Variants in VIPR2 observed in about 807,000 individuals in gnomAD.
VIPR2 encodes the protein vasoactive intestinal polypeptide receptor 2.
Under a neutral mutation model 58.0 loss-of-function variants are expected in VIPR2, and 48 were observed. That is an observed-to-expected ratio of 0.83 (90% CI 0.66 to 1.05). The LOEUF is 1.05. Among genes scored for constraint, VIPR2 ranks in the 50% least tolerant of loss-of-function variants. The probability of loss-of-function intolerance (pLI) is 0.00; values close to 1 mark genes in which losing one functional copy is unlikely to be tolerated. For missense variants in VIPR2, 534 were observed against 558.0 expected, an observed-to-expected ratio of 0.96 and a Z score of 0.43; for synonymous variants, 243 against 235.2, an observed-to-expected ratio of 1.03 and a Z score of -0.30.
chr7:159,054,258 T>A (rs1020615463), intron 5 of VIPR2, among the ~76,000 whole-genome samples: 1 of 151,982 alleles, frequency 6.6e-6, no homozygotes, highest in Non-Finnish European at 1.5e-5. Flanking sequence ...AATAATAACA[T>A]CTCTAGATGA....
rs1024382559 is a variant in VIPR2 at position 159,093,147 on chromosome 7, A to C, written c.357+10610T>G. 5.9e-5 allele frequency among the ~76,000 whole-genome samples: 9 copies of C among 152,312 alleles called. No homozygotes were observed. Among genetic ancestry groups the C allele is most frequent in the African/African-American group, 1.9e-4 (8 of 41,564 alleles). ...TGGTCCTGCGGGGGCTGGTGGGGGC[A>C]GAAGACATTTCCTCAAGACACTGGC... On this transcript the variant is annotated intron_variant, in intron 4 of 12. Transcript: ENST00000262178. The surrounding 1 kb of genome is among the most constrained non-coding windows in gnomAD (Gnocchi z 6.7).
chr7:159,084,562 G>A (rs901747630), intron 4 of VIPR2, among the ~76,000 whole-genome samples: 2 of 152,230 alleles, frequency 1.3e-5, no homozygotes, highest in Non-Finnish European at 2.9e-5. Flanking sequence ...GGGATTCAGG[G>A]CACTATGCCT....
intron 2 of VIPR2, among the ~76,000 whole-genome samples, chr7:159,142,245 T>C (rs1797499527): frequency 6.6e-6 from 1 of 152,206 alleles, no homozygotes; most frequent in African/African-American, 2.4e-5. Flanking sequence ...GGTTATCTTT[T>C]TAAAGGTGTG....
intron 2 of VIPR2, among the ~76,000 whole-genome samples, chr7:159,120,131 G>A (rs1038365095): frequency 2.0e-5 from 3 of 152,182 alleles, no homozygotes; most frequent in African/African-American, 4.8e-5. Context: ...GGGTCCTCGC[G>A]GCCCACACAG....
intron 2 of VIPR2, among the ~76,000 whole-genome samples, chr7:159,131,299 CA>C: frequency 6.6e-6 from 1 of 150,862 alleles, no homozygotes; most frequent in East Asian, 1.9e-4. Context: ...CTCTTTATGC[CA>C]AAGGAAAAGT....
rs983370585 is a variant in VIPR2, at chr7:159,128,889, C to T, written c.151+13557G>A. Among the ~76,000 whole-genome samples, 11 of 152,328 alleles carry T rather than the reference C, an allele frequency of 7.2e-5. No individual in the cohort carries two copies. Among genetic ancestry groups the T allele is most frequent in the African/African-American group, 2.2e-4 (9 of 41,580 alleles). ...CCTGCGGCTGAGCTCAGTCCTGACA[C>T]AGGCTTCTTCCATCTGCTGCACACC... On this transcript the variant is annotated intron_variant, in intron 2 of 12. Coordinates refer to ENST00000262178, the MANE Select transcript of VIPR2 (RefSeq NM_003382.5). This position sits in a 1 kb window ranked among gnomAD's most constrained non-coding sequence, Gnocchi z 4.1.
intron 5 of VIPR2, among the ~76,000 whole-genome samples, chr7:159,057,279 ATATAAG>A (rs147909306): frequency 0.012 from 1,862 of 152,326 alleles, 38 homozygotes; most frequent in African/African-American, 0.042. Flanking sequence ...ACTCTATAAA[ATATAAG>A]TATAATAGAA....
At chr7:159,092,650 CTTTTTTTTT>C (rs60400731) in intron 4 of VIPR2, among the ~76,000 whole-genome samples, 13 of 133,686 alleles carry the variant, frequency 9.7e-5, no homozygotes, top group Middle Eastern at 4.0e-3. Context: ...CTTTTCTTTT[CTTTTTTTTT>C]TTTTTTTTTG....
chr7:159,130,260 C>G (rs1796844599), intron 2 of VIPR2, among the ~76,000 whole-genome samples: 1 of 152,160 alleles, frequency 6.6e-6, no homozygotes, highest in Non-Finnish European at 1.5e-5. Flanking sequence ...AGCCCTTCCC[C>G]CAAACTCAGC....
intron 4 of VIPR2, among the ~76,000 whole-genome samples, chr7:159,076,408 A>G (rs1181831367): frequency 6.6e-6 from 1 of 152,250 alleles, no homozygotes; most frequent in Non-Finnish European, 1.5e-5. Context: ...CTGATTCTCC[A>G]AAAGTATCCT....
At position 159,036,028 on chromosome 7, in the gene VIPR2, T is replaced by C; in HGVS notation, c.749-16A>G. 6.2e-7 allele frequency: 1 copy of C among 1,612,076 alleles called. No individual in the cohort carries two copies. Among genetic ancestry groups the C allele is most frequent in the Non-Finnish European group, 8.5e-7 (1 of 1,179,350 alleles). On this transcript the variant is annotated splice_polypyrimidine_tract_variant and intron_variant, in intron 7 of 12. Transcript: ENST00000262178. ...GTGGGGAGGCCTGCAGAGAGACGCC[T>C]GGTTACACAGGTGGAGCGGAGCGGT...
At chr7:159,132,279 A>G (rs1796946399) in intron 2 of VIPR2, among the ~76,000 whole-genome samples, 1 of 142,276 alleles carries the variant, frequency 7.0e-6, no homozygotes, top group Non-Finnish European at 1.5e-5. Flanking sequence ...GTCTTGCTGC[A>G]TTTGGTGGCC....
chr7:159,076,142 G>A (rs372962475), intron 4 of VIPR2, among the ~76,000 whole-genome samples: 24 of 152,246 alleles, frequency 1.6e-4, no homozygotes, highest in East Asian at 5.8e-4. Context: ...AAAATCCTCC[G>A]TGGGCCAGGA....
intron 3 of VIPR2, among the ~76,000 whole-genome samples, chr7:159,104,177 G>A (rs1383372359): frequency 6.6e-6 from 1 of 152,200 alleles, no homozygotes; most frequent in Non-Finnish European, 1.5e-5. Context: ...GCCACCATAA[G>A]TGATATTTAT....
Position 159,098,737 on chromosome 7 carries a change from G to A in VIPR2, c.357+5020C>T, listed in dbSNP as rs894281323. On this transcript the variant is annotated intron_variant, in intron 4 of 12. Transcript: ENST00000262178. The surrounding 1 kb of genome is among the most constrained non-coding windows in gnomAD (Gnocchi z 5.2). Reference sequence around the variant, plus strand: ...TGTAGCCAAGTCTGTGGCTTCTGTGGAGGCTAATTTTTTTTCTCGAATTTA... The same window carrying A: ...TGTAGCCAAGTCTGTGGCTTCTGTGAAGGCTAATTTTTTTTCTCGAATTTA... Among the ~76,000 whole-genome samples, 3 of 152,204 alleles carry A rather than the reference G, an allele frequency of 2.0e-5. No individual in the cohort carries two copies. Among genetic ancestry groups the A allele is most frequent in the Admixed American group, 6.5e-5 (1 of 15,286 alleles).
At position 159,128,449 on chromosome 7, in the gene VIPR2, C is replaced by T. The variant is rs1037741457; in HGVS notation, c.151+13997G>A. 6.6e-6 allele frequency among the ~76,000 whole-genome samples: 1 copy of T among 152,140 alleles called. No individual in the cohort carries two copies. Among genetic ancestry groups the T allele is most frequent in the African/African-American group, 2.4e-5 (1 of 41,428 alleles). On this transcript the variant is annotated intron_variant, in intron 2 of 12. Coordinates refer to ENST00000262178, the MANE Select transcript of VIPR2 (RefSeq NM_003382.5). The surrounding 1 kb of genome is among the most constrained non-coding windows in gnomAD (Gnocchi z 4.1). ...CAACTGTGTGTAAAAACCTCTGGGC[C>T]CCCCTGGCCACTCCCCTCCTGCCTT...
intron 5 of VIPR2, among the ~76,000 whole-genome samples, chr7:159,052,171 TG>T (rs1179093110): frequency 6.6e-6 from 1 of 152,070 alleles, no homozygotes; most frequent in Non-Finnish European, 1.5e-5. Context: ...CTGATAAAAT[TG>T]GTAACACTTT....
intron 2 of VIPR2, among the ~76,000 whole-genome samples, chr7:159,136,149 T>C (rs1055436874): frequency 6.6e-6 from 1 of 152,212 alleles, no homozygotes; most frequent in Admixed American, 6.5e-5. Context: ...TGAGGCTGGA[T>C]AAATCCAGGG....
At chr7:159,138,753 G>A (rs968731840) in intron 2 of VIPR2, among the ~76,000 whole-genome samples, 1 of 152,222 alleles carries the variant, frequency 6.6e-6, no homozygotes, top group African/African-American at 2.4e-5. Context: ...CAACTCTCCA[G>A]GGGCAACTTG....
Sources: gnomAD v4.1 joint callset for allele counts (sites outside exome capture counted in the v4.1 genomes callset) on GRCh38, gnomAD v4.1.1 for gene constraint, Gnocchi (gnomAD v3.1) non-coding constraint, MANE v1.5 for transcripts, NCBI Gene and HGNC (gene_info 2026-07-23, HGNC 2026-07-21) for gene names.